TPX2: variants seen among roughly 807,000 people sequenced by gnomAD.
The protein encoded by TPX2 is targeting protein for Xklp2.
A neutral mutation model predicts 93.6 loss-of-function variants in TPX2; 21 were observed. The observed-to-expected ratio is 0.22, with a 90% CI of 0.16 to 0.32. The LOEUF is 0.32. Among genes scored for constraint, TPX2 ranks in the 10% least tolerant of loss-of-function variants. The pLI is 1.00. For missense variants in TPX2, 776 were observed against 871.1 expected (o/e 0.89, Z 1.37); for synonymous variants, 281 against 298.3 (o/e 0.94, Z 0.60).
In TPX2 at chr20:31,770,683, C is replaced by T. The variant is rs563285561; in HGVS notation, c.485+212C>T. The stretch of plus-strand genomic sequence containing the variant: ...TGTTACGTGTGTCCTGGAGGGCACT[C>T]ACATCTTAGTTGGCATAGGTTTTAC... On this transcript the variant is annotated intron_variant, in intron 6 of 17. Coordinates refer to ENST00000300403, the MANE Select transcript of TPX2 (RefSeq NM_012112.5). 7.2e-4 allele frequency among the ~76,000 whole-genome samples: 109 copies of T among 152,294 alleles called. 1 individual carries two copies. Among genetic ancestry groups the T allele is most frequent in the South Asian group, 1.7e-3 (8 of 4,824 alleles).
intron 12 of TPX2, among the ~76,000 whole-genome samples, chr20:31,785,320 G>A (rs1243328843): frequency 1.3e-5 from 2 of 152,096 alleles, no homozygotes; most frequent in African/African-American, 4.8e-5. Context: ...TACCCATTGA[G>A]GAAACAGTGT....
At chr20:31,759,440 G>A (rs1377341844) in intron 3 of TPX2, among the ~76,000 whole-genome samples, 3 of 129,828 alleles carry the variant, frequency 2.3e-5, no homozygotes, top group Non-Finnish European at 4.6e-5. Flanking sequence ...TTGCTCTGTC[G>A]CCAGGCTGTA....
chr20:31,776,661 G>A (rs1029127001), intron 8 of TPX2, among the ~76,000 whole-genome samples: 1 of 151,958 alleles, frequency 6.6e-6, no homozygotes, highest in African/African-American at 2.4e-5. Flanking sequence ...GAGTAGCTGG[G>A]ATTACAGGGG....
intron 5 of TPX2, 126 bp from the exon 6 acceptor site, chr20:31,770,217 A>C (rs574602568): frequency 1.1e-4 from 62 of 549,366 alleles, no homozygotes; most frequent in Non-Finnish European, 1.6e-4. Flanking sequence ...AGATTTTTAG[A>C]GCAGAGATAA....
intron 12 of TPX2, among the ~76,000 whole-genome samples, chr20:31,790,211 A>G (rs897653925): frequency 6.6e-6 from 1 of 152,208 alleles, no homozygotes; most frequent in African/African-American, 2.4e-5. Context: ...GATCTGCTAT[A>G]TTGGATTTCA....
intron 10 of TPX2, among the ~76,000 whole-genome samples, chr20:31,780,769 T>A (rs960194011): frequency 1.3e-5 from 2 of 152,214 alleles, no homozygotes; most frequent in Non-Finnish European, 1.5e-5. Context: ...TGAGTGGTGG[T>A]GATGTCTTAA....
At chr20:31,780,743 A>G (rs1415449715) in intron 10 of TPX2, among the ~76,000 whole-genome samples, 1 of 152,188 alleles carries the variant, frequency 6.6e-6, no homozygotes, top group African/African-American at 2.4e-5. Context: ...CTGGCCAGGT[A>G]AATTAATATT....
At chr20:31,779,612 A>G (rs1285157169) in intron 10 of TPX2, among the ~76,000 whole-genome samples, 1 of 152,188 alleles carries the variant, frequency 6.6e-6, no homozygotes, top group Non-Finnish European at 1.5e-5. Flanking sequence ...GGGGATTTTG[A>G]GGAGGAGGGA....
At chr20:31,745,543 G>T (rs2061779140) in intron 2 of TPX2, among the ~76,000 whole-genome samples, 1 of 152,110 alleles carries the variant, frequency 6.6e-6, no homozygotes, top group Non-Finnish European at 1.5e-5. Context: ...GGCCAGGCTG[G>T]TCTTGAACTC....
chr20:31,788,930 C>T (rs931703479), intron 12 of TPX2, among the ~76,000 whole-genome samples: 1 of 152,138 alleles, frequency 6.6e-6, no homozygotes, highest in Non-Finnish European at 1.5e-5. Flanking sequence ...TTCCTAACTG[C>T]CCTGGGACAG....
At chr20:31,744,034 T>C (rs916847065) in intron 2 of TPX2, among the ~76,000 whole-genome samples, 1 of 151,712 alleles carries the variant, frequency 6.6e-6, no homozygotes. Flanking sequence ...CAGTTTTTTT[T>C]CCCCCAAATA....
intron 12 of TPX2, among the ~76,000 whole-genome samples, chr20:31,786,323 A>AT (rs2062065313): frequency 6.7e-6 from 1 of 150,312 alleles, no homozygotes; most frequent in Admixed American, 6.7e-5. Flanking sequence ...GTATGTGCTT[A>AT]TTTAAAAAAA....
chr20:31,746,013 G>T (rs1227198205), intron 2 of TPX2, among the ~76,000 whole-genome samples: 1 of 152,212 alleles, frequency 6.6e-6, no homozygotes, highest in Non-Finnish European at 1.5e-5. Context: ...GTTTGGGAGA[G>T]AAATGATAGG....
At position 31,777,575 on chromosome 20, in the gene TPX2, G is replaced by A. The variant is rs775008856; in HGVS notation, c.819G>A (p.Lys273=). The A allele has an allele frequency of 6.2e-7, 1 of 1,614,150 alleles. No individual in the cohort carries two copies. Among genetic ancestry groups the A allele is most frequent in the Non-Finnish European group, 8.5e-7 (1 of 1,180,034 alleles). ...ATGAGCGAATCAAACAACATCCTAA[G>A]AACCAGGAGGAATATAAGGAAGTGA... ...RTDERIKQHP[K]NQEEYKEVNF... Residue 273 remains lysine (K), a synonymous_variant, in exon 9 of 18, where the codon AAG becomes AAA. Transcript: ENST00000300403.
chr20:31,782,451 T>G (rs1426557870), intron 11 of TPX2, 61 bp downstream of exon 11: 3 of 1,542,944 alleles, frequency 1.9e-6, no homozygotes, highest in Non-Finnish European at 2.6e-6. Context: ...TTATTTTCAG[T>G]TCTGTTAGGG....
intron 7 of TPX2, among the ~76,000 whole-genome samples, chr20:31,774,946 C>G (rs2061986749): frequency 6.6e-6 from 1 of 152,050 alleles, no homozygotes; most frequent in Non-Finnish European, 1.5e-5. Context: ...ACAACCTAAT[C>G]TTTTTTGTTG....
Position 31,759,705 on chromosome 20 carries a change from GT to G in TPX2, c.107-348del. On this transcript the variant is annotated intron_variant, in intron 3 of 17. Coordinates refer to ENST00000300403, the MANE Select transcript of TPX2 (RefSeq NM_012112.5). The stretch of plus-strand genomic sequence containing the variant: ...GAGCCATCGCTCCCGGCTGGTTACA[GT>G]TTTCTTTAAGAGGAACATGATATAT... 2.0e-5 allele frequency among the ~76,000 whole-genome samples: 3 copies of G among 152,052 alleles called. No individual in the cohort carries two copies. The Middle Eastern group carries it at 0.01, about 521-fold the overall frequency.
At chr20:31,779,069 C>A (rs2062018891) in intron 10 of TPX2, 85 bp downstream of exon 10, 4 of 1,396,898 alleles carry the variant, frequency 2.9e-6, no homozygotes, top group Non-Finnish European at 3.8e-6. Context: ...TTGTCTTTAG[C>A]TGAAATCCTA....
chr20:31,767,678 C>T (rs915984337), intron 5 of TPX2, among the ~76,000 whole-genome samples: 10 of 151,534 alleles, frequency 6.6e-5, no homozygotes, highest in Non-Finnish European at 1.5e-4. Flanking sequence ...CAACCTCCTG[C>T]GTAGCTGGGA....
Sources: allele counts gnomAD v4.1 joint callset (sites outside exome capture counted in the v4.1 genomes callset), GRCh38; gene constraint gnomAD v4.1.1; transcripts MANE v1.5; gene names NCBI Gene and HGNC (gene_info 2026-07-23, HGNC 2026-07-21).